Variants in PEX5L observed in about 807,000 individuals in gnomAD.
PEX5L encodes PEX5-related protein.
In PEX5L, 30 loss-of-function variants were observed where a neutral mutation model predicts 84.0. The observed-to-expected ratio is 0.36, with a 90% CI of 0.27 to 0.48. PEX5L has a LOEUF of 0.48. Ranked by LOEUF, PEX5L falls within the 20% of genes least tolerant of loss-of-function variation. The pLI, the probability that PEX5L is intolerant of heterozygous loss-of-function variation, is 0.99. For missense variants in PEX5L, 533 were observed against 754.6 expected (o/e 0.71, Z 3.44); for synonymous variants, 270 against 283.1 (o/e 0.95, Z 0.46).
At chr3:179,976,846 C>T (rs898953674) in intron 1 of PEX5L, among the ~76,000 whole-genome samples, 10 of 152,032 alleles carry the variant, frequency 6.6e-5, no homozygotes, top group Non-Finnish European at 4.4e-5. Context: ...TTTCCTCCTT[C>T]CCTTGTGTAA....
intron 2 of PEX5L, among the ~76,000 whole-genome samples, chr3:179,901,727 C>T (rs563132295): frequency 2.6e-5 from 4 of 152,250 alleles, no homozygotes; most frequent in Admixed American, 6.5e-5. Context: ...TTATTTCTTC[C>T]GTCATTTGTT....
At chr3:180,003,577 TA>T (rs1425064779) in intron 1 of PEX5L, among the ~76,000 whole-genome samples, 38 of 152,224 alleles carry the variant, frequency 2.5e-4, no homozygotes, top group African/African-American at 9.1e-4. Flanking sequence ...TAATATAAAA[TA>T]AAAATGGTTT....
In PEX5L at chr3:179,795,128, TTCAA is replaced by T. The variant is rs1268960589; in HGVS notation, c.*6696_*6699del. On this transcript the variant is annotated 3_prime_UTR_variant, in exon 15 of 15. Transcript: ENST00000467460. ...TCATGCAAAATCATATGTAGTGATA[TTCAA>T]TATTTAATAAAAGGACCTTTAGCCA... is the stretch of plus-strand genomic sequence containing the variant. 1 of 152,192 alleles carries T rather than the reference TTCAA, an allele frequency of 6.6e-6. No individual in the cohort carries two copies. The highest frequency in any genetic ancestry group is 2.4e-5 in the African/African-American group (1 of 41,452). The allele number at this position is 152,192 out of a possible 1,614,324, so 9.4% of individuals were successfully genotyped here.
At chr3:180,023,535 T>C (rs1790608089) in intron 1 of PEX5L, among the ~76,000 whole-genome samples, 1 of 152,126 alleles carries the variant, frequency 6.6e-6, no homozygotes, top group Admixed American at 6.5e-5. Context: ...ATATGGTTAG[T>C]AGTAAACTGG....
chr3:179,916,176 T>A (rs558461221), intron 2 of PEX5L, among the ~76,000 whole-genome samples: 4 of 152,292 alleles, frequency 2.6e-5, no homozygotes, highest in African/African-American at 9.6e-5. Flanking sequence ...ATGACAGGGA[T>A]ACAGTCTGAG....
At chr3:179,825,889 AAAT>A (rs538123844) in intron 8 of PEX5L, among the ~76,000 whole-genome samples, 121 of 152,372 alleles carry the variant, frequency 7.9e-4, no homozygotes, top group African/African-American at 2.6e-3. Context: ...TGGAAATGAA[AAAT>A]AATATTTCCC....
At chr3:179,947,729 C>CTTTTAATT in intron 2 of PEX5L, among the ~76,000 whole-genome samples, 1 of 136,712 alleles carries the variant, frequency 7.3e-6, no homozygotes, top group Non-Finnish European at 1.6e-5. Flanking sequence ...TTTTTTGAGA[C>CTTTTAATT]GGAGTCTCAC....
intron 8 of PEX5L, among the ~76,000 whole-genome samples, chr3:179,844,712 C>G (rs1053458027): frequency 6.6e-6 from 1 of 152,130 alleles, no homozygotes; most frequent in East Asian, 1.9e-4. Context: ...CGCCTGTAGT[C>G]CCAGCTACTC....
intron 1 of PEX5L, among the ~76,000 whole-genome samples, chr3:180,017,746 T>G (rs1790064637): frequency 6.6e-6 from 1 of 152,168 alleles, no homozygotes; most frequent in Non-Finnish European, 1.5e-5. Flanking sequence ...GGGAATATCA[T>G]AAAGCTTTGT....
At chr3:179,809,728 T>C (rs1722999352) in intron 11 of PEX5L, 60 bp from the exon 12 acceptor site, 1 of 1,270,550 alleles carries the variant, frequency 7.9e-7, no homozygotes, top group Admixed American at 2.3e-5. Flanking sequence ...TAACAGTTCT[T>C]CAGAAAATGT....
In PEX5L at chr3:179,815,981, G is replaced by C. The variant is rs1244086779; in HGVS notation, c.963C>G (p.Asn321Lys). ...ATGCTCCAGGCCAGTCCTTGAAGGG[G>C]TTTTCAGTGTGAAAGTAATATCCCT... ...SEKGYYFHTENPFKDWPGAFE... is the reference protein window; with the variant it reads ...SEKGYYFHTEKPFKDWPGAFE... Residue 321 changes from asparagine (N) to lysine (K), a missense_variant, in exon 10 of 15, where the codon AAC becomes AAG. Asn to Lys is a moderately conservative substitution (Grantham distance 94). This residue lies in a region of PEX5L where 58 missense variants were observed against 56.4 expected (regional missense o/e 1.03). Coordinates refer to ENST00000467460, the MANE Select transcript of PEX5L (RefSeq NM_016559.3). 3 of 1,614,086 alleles carry C rather than the reference G, an allele frequency of 1.9e-6. No homozygotes were observed. The highest frequency in any genetic ancestry group is 2.5e-6 in the Non-Finnish European group (3 of 1,179,990).
intron 8 of PEX5L, among the ~76,000 whole-genome samples, chr3:179,831,140 A>AC (rs1732715124): frequency 6.6e-6 from 1 of 151,898 alleles, no homozygotes; most frequent in Non-Finnish European, 1.5e-5. Context: ...AGATAGTGAA[A>AC]CCCATCTCTA....
At chr3:179,851,180 G>T (rs1741701199) in intron 8 of PEX5L, among the ~76,000 whole-genome samples, 1 of 152,120 alleles carries the variant, frequency 6.6e-6, no homozygotes, top group Admixed American at 6.6e-5. Context: ...AGCCTGTTTG[G>T]GCTGGTATAA....
intron 2 of PEX5L, among the ~76,000 whole-genome samples, chr3:179,966,513 T>C (rs1055072099): frequency 2.0e-5 from 3 of 152,188 alleles, no homozygotes; most frequent in African/African-American, 4.8e-5. Context: ...CTTTTTACTA[T>C]TTGTGAGTCT....
chr3:180,024,406 G>A (rs1790743797), intron 1 of PEX5L, among the ~76,000 whole-genome samples: 1 of 136,030 alleles, frequency 7.4e-6, no homozygotes, highest in Non-Finnish European at 1.6e-5. Context: ...TTAGCCGTGC[G>A]TGGTGGCAGG....
chr3:179,966,994 G>A (rs1289598779), intron 2 of PEX5L, among the ~76,000 whole-genome samples: 2 of 152,120 alleles, frequency 1.3e-5, no homozygotes, highest in African/African-American at 4.8e-5. Flanking sequence ...TTGCTTTAAG[G>A]GGCATTTATC....
In PEX5L at chr3:179,946,492, A is replaced by C. The variant is rs546886053; in HGVS notation, c.93+25102T>G. Among the ~76,000 whole-genome samples, 6 of 152,372 alleles carry C rather than the reference A, an allele frequency of 3.9e-5. No homozygotes were observed. The East Asian group carries it at 9.6e-4, about 24-fold the overall frequency. On this transcript the variant is annotated intron_variant, in intron 2 of 14. Transcript: ENST00000467460. ...AAGAAAGAAAAAACATATGCGATAG[A>C]GAAGTTAGATGAGAAACTGTTAGAA...
Position 179,859,000 on chromosome 3 carries a change from G to T in PEX5L, c.822+62C>A. 5 of 1,039,340 alleles carry T rather than the reference G, an allele frequency of 4.8e-6. No homozygotes were observed. The South Asian group carries it at 5.1e-5, about 11-fold the overall frequency. The allele number at this position is 1,039,340 out of a possible 1,614,324, so 64.4% of individuals were successfully genotyped here. A position where few individuals can be genotyped will look rare whatever the true frequency, so the allele number is the denominator to read the frequency against. ...TTTCATTTCTATCTTGCTGAAGTTT[G>T]ATTTTTCAAATGCCACTCTCAGGAG... On this transcript the variant is annotated intron_variant, in intron 8 of 14. Transcript: ENST00000467460.
intron 7 of PEX5L, among the ~76,000 whole-genome samples, chr3:179,865,507 C>T (rs1303893112): frequency 6.6e-6 from 1 of 150,430 alleles, no homozygotes; most frequent in African/African-American, 2.4e-5. Context: ...CCTTTCAATG[C>T]AAACTTTTTT....
Sources: allele counts gnomAD v4.1 joint callset (sites outside exome capture counted in the v4.1 genomes callset), GRCh38; gene constraint gnomAD v4.1.1; regional missense constraint gnomAD v4.1.1; transcripts MANE v1.5; gene names NCBI Gene and HGNC (gene_info 2026-07-23, HGNC 2026-07-21).